Variants in CLDN14 observed in about 807,000 individuals in gnomAD.
The protein encoded by CLDN14 is claudin-14.
In CLDN14, 2 loss-of-function variants were observed where a neutral mutation model predicts 2.1. The observed-to-expected ratio is 0.96, with a 90% CI of 0.39 to 3.01. The LOEUF is 3.01. Ranked by LOEUF, CLDN14 falls within the 30% of genes most tolerant of loss-of-function variation. The pLI is 0.09. For synonymous variants in CLDN14, 136 were observed against 154.4 expected, an observed-to-expected ratio of 0.88 and a Z score of 0.88; for missense variants, 298 against 328.0, an observed-to-expected ratio of 0.91 and a Z score of 0.71.
At chr21:36,521,503 T>C (rs1290246849) in intron 1 of CLDN14, among the ~76,000 whole-genome samples, 2 of 152,218 alleles carry the variant, frequency 1.3e-5, no homozygotes, top group African/African-American at 4.8e-5. Context: ...AAACCTCTAC[T>C]TCTGAATGTT....
intron 1 of CLDN14, among the ~76,000 whole-genome samples, chr21:36,523,269 C>G (rs1365642537): frequency 6.6e-6 from 1 of 152,226 alleles, no homozygotes; most frequent in Non-Finnish European, 1.5e-5. Flanking sequence ...ACTGATCCAT[C>G]TCCTCTTGAA....
intron 1 of CLDN14, among the ~76,000 whole-genome samples, chr21:36,575,322 T>C (rs961316618): frequency 6.6e-6 from 1 of 152,214 alleles, no homozygotes; most frequent in Non-Finnish European, 1.5e-5. Flanking sequence ...CCTTCCTACA[T>C]GCCAGGTTCT....
At position 36,479,624 on chromosome 21, in the gene CLDN14, C is replaced by T. The variant is rs1027667070; in HGVS notation, c.-211G>A. On this transcript the variant is annotated 5_prime_UTR_variant, in exon 1 of 2. Coordinates refer to ENST00000399135, the MANE Select transcript of CLDN14 (RefSeq NM_001146079.2). ...CGGGACGCTGCCACCCTCCTGCCTT[C>T]CCTCTTCTGCCAACCAGACGCTTCC... 2 of 152,252 alleles carry T rather than the reference C, an allele frequency of 1.3e-5. No individual in the cohort carries two copies. Among genetic ancestry groups the T allele is most frequent in the Non-Finnish European group, 1.5e-5 (1 of 68,072 alleles). 9.4% of individuals were successfully genotyped at this position (152,252 alleles called of 1,614,324 possible).
At chr21:36,522,719 C>T (rs1015334633) in intron 1 of CLDN14, among the ~76,000 whole-genome samples, 43 of 152,212 alleles carry the variant, frequency 2.8e-4, no homozygotes, top group African/African-American at 9.9e-4. Flanking sequence ...CATTGCCATT[C>T]CTCTCTTTTC....
chr21:36,489,184 T>G (rs2086935780), intron 2 of CLDN14, among the ~76,000 whole-genome samples: 11 of 105,200 alleles, frequency 1.0e-4, no homozygotes, highest in African/African-American at 2.3e-4. Flanking sequence ...AGAAAGAGAA[T>G]GGGGGGCGGG....
intron 1 of CLDN14, among the ~76,000 whole-genome samples, chr21:36,543,635 T>A (rs1180748651): frequency 8.5e-5 from 13 of 152,192 alleles, no homozygotes; most frequent in Admixed American, 8.5e-4. Context: ...GACATGGATC[T>A]CTAATTGTGC....
chr21:36,575,891 G>T (rs925682917), intron 1 of CLDN14, among the ~76,000 whole-genome samples: 1 of 152,176 alleles, frequency 6.6e-6, no homozygotes, highest in African/African-American at 2.4e-5. Flanking sequence ...TTTAGAGTTT[G>T]TTAATGGAGA....
intron 1 of CLDN14, among the ~76,000 whole-genome samples, chr21:36,522,056 G>A (rs2087275538): frequency 6.6e-6 from 1 of 152,018 alleles, no homozygotes; most frequent in Admixed American, 6.6e-5. Flanking sequence ...AAAAATAAAG[G>A]TCTGCAACTC....
upstream of CLDN14, among the ~76,000 whole-genome samples, chr21:36,485,069 T>G (rs926038975): frequency 1.3e-5 from 2 of 151,500 alleles, no homozygotes; most frequent in Non-Finnish European, 3.0e-5. Context: ...AAAGTCTCTG[T>G]TTCCAAATAA....
At chr21:36,501,034 G>C (rs1472021209) in intron 2 of CLDN14, among the ~76,000 whole-genome samples, 3 of 152,238 alleles carry the variant, frequency 2.0e-5, no homozygotes, top group Non-Finnish European at 4.4e-5. Context: ...CACCCGGGGG[G>C]TGCGGCTCAG....
rs2087074762 is a variant in CLDN14 at position 36,499,649 on chromosome 21, T to C, written c.-82+10714A>G. Among the ~76,000 whole-genome samples the C allele has an allele frequency of 6.6e-6, 1 of 152,162 alleles. No homozygotes were observed. The highest frequency in any genetic ancestry group is 2.4e-5 in the African/African-American group (1 of 41,444). On this transcript the variant is annotated intron_variant, in intron 2 of 2. Transcript: ENST00000342108. This position sits in a 1 kb window ranked among gnomAD's most constrained non-coding sequence, Gnocchi z 4.7. Reference sequence around the variant, plus strand: ...GGTTTTATGTCAGCCCCTGTTCCAGTCCACGTGACTCTTATGCATCATGAT... The same window carrying C: ...GGTTTTATGTCAGCCCCTGTTCCAGCCCACGTGACTCTTATGCATCATGAT...
At chr21:36,565,245 G>T (rs2087664509) in intron 1 of CLDN14, among the ~76,000 whole-genome samples, 1 of 152,156 alleles carries the variant, frequency 6.6e-6, no homozygotes, top group South Asian at 2.1e-4. Flanking sequence ...GAGGTGCAGG[G>T]GGTCAGTTTG....
Position 36,551,796 on chromosome 21 carries a change from A to G in CLDN14, c.-220+24615T>C, listed in dbSNP as rs1420413168. 6.6e-6 allele frequency among the ~76,000 whole-genome samples: 1 copy of G among 152,196 alleles called. No individual in the cohort carries two copies. Among genetic ancestry groups the G allele is most frequent in the East Asian group, 1.9e-4 (1 of 5,186 alleles). ...GCAAAATGCTCACTCACTGACAGAG[A>G]TCAATGAAGCAGACAGCAACTCATT... On this transcript the variant is annotated intron_variant, in intron 1 of 2. Coordinates refer to the CLDN14 transcript ENST00000342108. This position sits in a 1 kb window ranked among gnomAD's most constrained non-coding sequence, Gnocchi z 4.8.
At chr21:36,574,100 A>C (rs1289847845) in intron 1 of CLDN14, among the ~76,000 whole-genome samples, 1 of 152,212 alleles carries the variant, frequency 6.6e-6, no homozygotes, top group Admixed American at 6.5e-5. Flanking sequence ...AATATCTGAA[A>C]TTATTTTGAA....
chr21:36,534,464 T>C (rs2087408618), intron 1 of CLDN14, among the ~76,000 whole-genome samples: 1 of 152,066 alleles, frequency 6.6e-6, no homozygotes, highest in Non-Finnish European at 1.5e-5. Context: ...TAAAAACATA[T>C]GGGTTTAGGA....
intron 2 of CLDN14, among the ~76,000 whole-genome samples, chr21:36,493,877 G>A (rs1236232078): frequency 6.6e-6 from 1 of 152,158 alleles, no homozygotes; most frequent in African/African-American, 2.4e-5. Flanking sequence ...GGGGACCCAG[G>A]ATCCTCATGT....
rs2087513989 is a variant in CLDN14 at position 36,544,513 on chromosome 21, G to C, written c.-220+31898C>G. On this transcript the variant is annotated intron_variant, in intron 1 of 2. Transcript: ENST00000342108. This position sits in a 1 kb window ranked among gnomAD's most constrained non-coding sequence, Gnocchi z 4.1. ...AGGGGATGGAGTTGGGATTTAGGAA[G>C]GAGAGGCAAATTTGAGGCTGGGGAG... Among the ~76,000 whole-genome samples the C allele has an allele frequency of 6.6e-6, 1 of 152,224 alleles. No homozygotes were observed. Among genetic ancestry groups the C allele is most frequent in the Admixed American group, 6.5e-5 (1 of 15,288 alleles).
intron 1 of CLDN14, among the ~76,000 whole-genome samples, chr21:36,546,465 T>C (rs560825672): frequency 1.3e-5 from 2 of 152,214 alleles, no homozygotes; most frequent in Non-Finnish European, 2.9e-5. Context: ...TTCTTTGGGT[T>C]GACTGTAGGA....
At chr21:36,483,910 C>G (rs535874161), upstream of CLDN14, among the ~76,000 whole-genome samples, 2 of 152,236 alleles carry the variant, frequency 1.3e-5, no homozygotes, top group East Asian at 3.9e-4. Flanking sequence ...AAGAACTAGG[C>G]CAATTGCAAT....
Sources: allele counts gnomAD v4.1 joint callset (sites outside exome capture counted in the v4.1 genomes callset), GRCh38; gene constraint gnomAD v4.1.1; non-coding constraint Gnocchi (gnomAD v3.1); transcripts MANE v1.5; gene names NCBI Gene and HGNC (gene_info 2026-07-23, HGNC 2026-07-21).